Variants in NRXN1 observed in about 807,000 individuals in gnomAD.
The protein encoded by NRXN1 is neurexin-1.
In NRXN1, 39 loss-of-function variants were observed where a neutral mutation model predicts 150.9. The observed-to-expected ratio is 0.26, with a 90% CI of 0.20 to 0.34. The LOEUF (loss-of-function observed/expected upper bound fraction) is 0.34. Ranked by LOEUF, NRXN1 falls within the 10% of genes least tolerant of loss-of-function variation. The pLI is 1.00. For synonymous variants in NRXN1, 924 were observed against 757.0 expected (o/e 1.22, Z -3.62); for missense variants, 1,815 against 1,949.9 (o/e 0.93, Z 1.30).
At chr2:50,552,478 G>T (rs758419509) in intron 9 of NRXN1, 109 bp downstream of exon 9, 5 of 799,032 alleles carry the variant, frequency 6.3e-6, no homozygotes, top group Non-Finnish European at 1.0e-5. Context: ...TTAGGCTAAA[G>T]AAACAAATGC....
chr2:50,732,083 T>C (rs773686193), intron 5 of NRXN1, among the ~76,000 whole-genome samples: 1 of 152,190 alleles, frequency 6.6e-6, no homozygotes, highest in Non-Finnish European at 1.5e-5. Flanking sequence ...TTAATATATA[T>C]CACCTTTCAG....
At chr2:49,923,927 A>G (rs1171603033) in intron 22 of NRXN1, among the ~76,000 whole-genome samples, 2 of 152,246 alleles carry the variant, frequency 1.3e-5, no homozygotes, top group African/African-American at 4.8e-5. Context: ...CTGAATAAAA[A>G]GCTTTGGTGT....
At chr2:50,890,316 C>T (rs1481956517) in intron 5 of NRXN1, among the ~76,000 whole-genome samples, 1 of 151,758 alleles carries the variant, frequency 6.6e-6, no homozygotes, top group Non-Finnish European at 1.5e-5. Context: ...CTTCACAAAA[C>T]TTAGAGAAGA....
intron 17 of NRXN1, among the ~76,000 whole-genome samples, chr2:50,436,127 G>C (rs1027489537): frequency 6.6e-6 from 1 of 152,114 alleles, no homozygotes; most frequent in Admixed American, 6.5e-5. Context: ...TGTTCTTCCT[G>C]GTAACCAGCT....
chr2:50,243,745 A>G (rs1264138933), intron 17 of NRXN1, among the ~76,000 whole-genome samples: 3 of 151,852 alleles, frequency 2.0e-5, no homozygotes, highest in Non-Finnish European at 4.4e-5. Flanking sequence ...GAGGAGGGTG[A>G]ACCAGCTAGA....
chr2:50,176,510 A>G (rs979738538), intron 18 of NRXN1, among the ~76,000 whole-genome samples: 4 of 152,102 alleles, frequency 2.6e-5, no homozygotes, highest in African/African-American at 9.7e-5. Flanking sequence ...GAGTGGTGAC[A>G]ACCAAAAATG....
At chr2:50,984,586 A>G (rs1448543817) in intron 2 of NRXN1, among the ~76,000 whole-genome samples, 1 of 152,048 alleles carries the variant, frequency 6.6e-6, no homozygotes, top group Admixed American at 6.6e-5. Context: ...GCTGAAGGCT[A>G]TATCTGGGAT....
At chr2:50,461,782 A>C (rs1439626271) in intron 17 of NRXN1, among the ~76,000 whole-genome samples, 1 of 151,988 alleles carries the variant, frequency 6.6e-6, no homozygotes, top group Non-Finnish European at 1.5e-5. Flanking sequence ...AAACAAAGGA[A>C]GTTTCCATGG....
rs143208549 is a variant in NRXN1, at chr2:50,721,001, G to A, written c.833-97386C>T. Among the ~76,000 whole-genome samples the A allele has an allele frequency of 2.6e-5, 4 of 152,262 alleles. No individual in the cohort carries two copies. The East Asian group carries it at 7.7e-4, about 29-fold the overall frequency. ...AGACTCTCTCGTCTGGTTCCTGGGA[G>A]TCAGAGATTCTCCTTGTTCATCTTT... is the stretch of plus-strand genomic sequence containing the variant. On this transcript the variant is annotated intron_variant, in intron 5 of 22. Transcript: ENST00000401669.
At chr2:50,051,800 CA>C (rs746199189) in intron 21 of NRXN1, among the ~76,000 whole-genome samples, 21 of 152,048 alleles carry the variant, frequency 1.4e-4, no homozygotes, top group Admixed American at 2.6e-4. Context: ...AATATATCCT[CA>C]TGCCTAGAAA....
intron 2 of NRXN1, among the ~76,000 whole-genome samples, chr2:51,014,806 T>C (rs948748109): frequency 6.6e-6 from 1 of 151,888 alleles, no homozygotes; most frequent in African/African-American, 2.4e-5. Context: ...GGTTGTAGAG[T>C]AGACCAAATG....
At chr2:50,802,605 G>A (rs898909100) in intron 5 of NRXN1, among the ~76,000 whole-genome samples, 3 of 150,562 alleles carry the variant, frequency 2.0e-5, no homozygotes, top group Non-Finnish European at 4.4e-5. Flanking sequence ...AGAAAAGAAG[G>A]AAAGAAAGAG....
chr2:49,956,532 A>T (rs538870579), intron 21 of NRXN1, among the ~76,000 whole-genome samples: 1 of 151,872 alleles, frequency 6.6e-6, no homozygotes, highest in Admixed American at 6.6e-5. Context: ...TATTTCATTC[A>T]TGGTGTCCCA....
At chr2:50,284,097 A>C (rs1040824587) in intron 17 of NRXN1, among the ~76,000 whole-genome samples, 6 of 152,198 alleles carry the variant, frequency 3.9e-5, no homozygotes, top group Non-Finnish European at 7.4e-5. Context: ...TCTTCAATGC[A>C]CATTCATGAT....
intron 18 of NRXN1, among the ~76,000 whole-genome samples, chr2:50,192,575 C>G (rs534344862): frequency 1.6e-4 from 24 of 150,318 alleles, no homozygotes; most frequent in Admixed American, 1.5e-3. Flanking sequence ...TATATCCACA[C>G]AGGCATACAA....
chr2:50,649,259 T>TACACACACACACACACAC (rs10634117), intron 5 of NRXN1, among the ~76,000 whole-genome samples: 4 of 143,276 alleles, frequency 2.8e-5, no homozygotes, highest in Non-Finnish European at 4.6e-5. Context: ...CATACACACA[T>TACACACACACACACACAC]ACACACACAC....
chr2:50,856,738 G>T (rs1675331986), intron 5 of NRXN1, among the ~76,000 whole-genome samples: 1 of 151,936 alleles, frequency 6.6e-6, no homozygotes, highest in Non-Finnish European at 1.5e-5. Flanking sequence ...AATTACTTTT[G>T]TTCTTTAATT....
At chr2:50,360,072 C>A (rs905505215) in intron 17 of NRXN1, among the ~76,000 whole-genome samples, 7 of 152,156 alleles carry the variant, frequency 4.6e-5, no homozygotes, top group Admixed American at 4.6e-4. Flanking sequence ...GATTTTGTCA[C>A]CACCAGGCCT....
intron 17 of NRXN1, among the ~76,000 whole-genome samples, chr2:50,415,377 T>C (rs1231642694): frequency 2.0e-5 from 3 of 152,134 alleles, no homozygotes; most frequent in African/African-American, 7.2e-5. Flanking sequence ...AAATATAATT[T>C]AATCATTGTA....
Sources: gnomAD v4.1 joint callset for allele counts (sites outside exome capture counted in the v4.1 genomes callset) on GRCh38, gnomAD v4.1.1 for gene constraint, MANE v1.5 for transcripts, NCBI Gene and HGNC (gene_info 2026-07-23, HGNC 2026-07-21) for gene names.